Variants in THSD4 observed in about 807,000 individuals in gnomAD.
THSD4 encodes the protein thrombospondin type 1 domain containing 4, also known as thrombospondin type-1 domain-containing protein 4.
THSD4 carries 69 observed loss-of-function variants against 119.0 expected under a neutral mutation model. The observed-to-expected ratio is 0.58, with a 90% CI of 0.48 to 0.71. The LOEUF (loss-of-function observed/expected upper bound fraction) is 0.71, where lower values mean the gene tolerates loss of function less well. Ranked by LOEUF, THSD4 falls within the 30% of genes least tolerant of loss-of-function variation. THSD4 has a pLI of 0.00. For missense variants in THSD4, 1,393 were observed against 1,391.1 expected, an observed-to-expected ratio of 1.00 and a Z score of -0.02; for synonymous variants, 524 against 540.4, an observed-to-expected ratio of 0.97 and a Z score of 0.42.
intron 14 of THSD4, among the ~76,000 whole-genome samples, chr15:71,755,430 A>T (rs1167555762): frequency 6.6e-6 from 1 of 152,274 alleles, no homozygotes; most frequent in Admixed American, 6.5e-5. Flanking sequence ...TTTAAATTCT[A>T]TTGCTTTATT....
intron 7 of THSD4, among the ~76,000 whole-genome samples, chr15:71,585,329 A>G (rs545530387): frequency 2.8e-4 from 42 of 152,296 alleles, no homozygotes; most frequent in Non-Finnish European, 3.4e-4. Flanking sequence ...CTGAAGGACA[A>G]TTTTAGCAGA....
intron 8 of THSD4, among the ~76,000 whole-genome samples, chr15:71,711,072 A>AATATATATATATGTATATATATAC (rs3086741): frequency 6.8e-6 from 1 of 147,844 alleles, no homozygotes; most frequent in African/African-American, 2.5e-5. Flanking sequence ...TTGAAAGCAA[A>AATATATATATATGTATATATATAC]ATATATATAT....
At chr15:71,633,385 C>T (rs988226424) in intron 7 of THSD4, among the ~76,000 whole-genome samples, 1 of 151,272 alleles carries the variant, frequency 6.6e-6, no homozygotes, top group Non-Finnish European at 1.5e-5. Flanking sequence ...AAGCCATCCT[C>T]CCATCTCAGC....
intron 1 of THSD4, among the ~76,000 whole-genome samples, chr15:71,122,063 T>C (rs974667981): frequency 3.9e-5 from 6 of 152,088 alleles, no homozygotes; most frequent in Non-Finnish European, 7.4e-5. Flanking sequence ...CAGTATAGCC[T>C]TTAGTTCCAT....
intron 3 of THSD4, among the ~76,000 whole-genome samples, chr15:71,212,118 C>T (rs1199505710): frequency 6.6e-6 from 1 of 151,918 alleles, no homozygotes. Flanking sequence ...AAGCCCTCAT[C>T]CCCTCATTTT....
chr15:71,727,583 T>TAC (rs1567122090), intron 8 of THSD4, among the ~76,000 whole-genome samples: 11 of 6,880 alleles, frequency 1.6e-3, no homozygotes, highest in African/African-American at 2.1e-3. Context: ...TATATATATA[T>TAC]ATATACACAC....
In THSD4 at chr15:71,215,451, C is replaced by A. The variant is rs559313447; in HGVS notation, c.464+52C>A. On this transcript the variant is annotated intron_variant, in intron 4 of 17. Coordinates refer to ENST00000261862, the MANE Select transcript of THSD4 (RefSeq NM_024817.3). Reference sequence around the variant, plus strand: ...CTCCCCGTCCCTGTCCCAGTATCTGCCCCTGTCCCTGCCCCTGCCTCGCAC... The same window carrying A: ...CTCCCCGTCCCTGTCCCAGTATCTGACCCTGTCCCTGCCCCTGCCTCGCAC... The A allele has an allele frequency of 6.9e-6, 10 of 1,452,236 alleles. No individual in the cohort carries two copies. The South Asian group carries it at 8.0e-5, about 12-fold the overall frequency. The allele number at this position is 1,452,236 out of a possible 1,614,324, so 90.0% of individuals were successfully genotyped here.
intron 6 of THSD4, among the ~76,000 whole-genome samples, chr15:71,282,411 A>T: frequency 1.3e-5 from 1 of 77,700 alleles, no homozygotes; most frequent in South Asian, 4.7e-4. Flanking sequence ...TTAAAAAAGG[A>T]AGAAATAGGA....
At chr15:71,129,392 A>T (rs1470465569) in intron 1 of THSD4, among the ~76,000 whole-genome samples, 5 of 152,196 alleles carry the variant, frequency 3.3e-5, no homozygotes, top group African/African-American at 1.2e-4. Flanking sequence ...AGTCATAGGG[A>T]GAGCCAACAA....
In THSD4 at chr15:71,199,276, C is replaced by T. The variant is rs570696726; in HGVS notation, c.100-15759C>T. Among the ~76,000 whole-genome samples the T allele has an allele frequency of 9.2e-5, 14 of 152,264 alleles. No individual in the cohort carries two copies. In the East Asian group the frequency reaches 1.5e-3, roughly 17 times the overall value. On this transcript the variant is annotated intron_variant, in intron 3 of 17. Coordinates refer to ENST00000261862, the MANE Select transcript of THSD4 (RefSeq NM_024817.3). The stretch of plus-strand genomic sequence containing the variant: ...TCCGTCCCCTTCCTCCTTTCAATTG[C>T]GATGGCCATGCTCTGGGGACTAGAT...
intron 10 of THSD4, among the ~76,000 whole-genome samples, chr15:71,736,235 C>T (rs1039491418): frequency 2.0e-5 from 3 of 149,456 alleles, no homozygotes; most frequent in African/African-American, 7.4e-5. Flanking sequence ...CTCTCTCTTG[C>T]TCTCTCTCCA....
chr15:71,193,315 T>C (rs1410466731), intron 3 of THSD4, among the ~76,000 whole-genome samples: 3 of 152,152 alleles, frequency 2.0e-5, no homozygotes, highest in African/African-American at 7.2e-5. Context: ...ACGTGGGCCA[T>C]ACGGAACTAG....
chr15:71,337,113 G>A (rs538507082), intron 6 of THSD4, among the ~76,000 whole-genome samples: 2 of 152,194 alleles, frequency 1.3e-5, no homozygotes, highest in South Asian at 4.1e-4. Context: ...GACCGCCTTG[G>A]TCCTGGGCTA....
intron 6 of THSD4, among the ~76,000 whole-genome samples, chr15:71,264,623 C>T (rs1017858869): frequency 2.0e-5 from 3 of 152,168 alleles, no homozygotes; most frequent in South Asian, 4.1e-4. Flanking sequence ...CCCATACTTG[C>T]AGTCATCAAC....
chr15:71,656,909 G>A (rs1995334), intron 7 of THSD4, among the ~76,000 whole-genome samples: 39,496 of 152,004 alleles, frequency 0.26, 5,919 homozygotes, highest in East Asian at 0.69. Context: ...TAATGTTGAG[G>A]AAGATGGCAA....
intron 7 of THSD4, among the ~76,000 whole-genome samples, chr15:71,431,352 T>A (rs903663602): frequency 1.3e-5 from 2 of 152,212 alleles, no homozygotes; most frequent in African/African-American, 4.8e-5. Flanking sequence ...TCAAAGTCAT[T>A]AGCAGAGGTC....
At chr15:71,442,644 A>ATGTGTGTGTG (rs1322209972) in intron 7 of THSD4, among the ~76,000 whole-genome samples, 7 of 38,424 alleles carry the variant, frequency 1.8e-4, no homozygotes, top group African/African-American at 4.7e-4. Flanking sequence ...GTGTGTGTAT[A>ATGTGTGTGTG]TGTGTGTGTG....
At chr15:71,754,645 C>A in intron 14 of THSD4, among the ~76,000 whole-genome samples, 1 of 152,180 alleles carries the variant, frequency 6.6e-6, no homozygotes, top group Non-Finnish European at 1.5e-5. Context: ...TGAAAAATGT[C>A]TGCAAACCTG....
intron 7 of THSD4, among the ~76,000 whole-genome samples, chr15:71,552,187 TGTCA>T (rs1170995041): frequency 1.3e-5 from 2 of 152,188 alleles, no homozygotes; most frequent in Non-Finnish European, 2.9e-5. Flanking sequence ...GCGGGAAATT[TGTCA>T]GTCAGCTCGA....
Sources: allele counts gnomAD v4.1 joint callset (sites outside exome capture counted in the v4.1 genomes callset), GRCh38; gene constraint gnomAD v4.1.1; transcripts MANE v1.5; gene names NCBI Gene and HGNC (gene_info 2026-07-23, HGNC 2026-07-21).